THSD4: variants seen among roughly 807,000 people sequenced by gnomAD.
The protein encoded by THSD4 is thrombospondin type 1 domain containing 4.
A neutral mutation model predicts 119.0 loss-of-function variants in THSD4; 69 were observed. That is an observed-to-expected ratio of 0.58 (90% confidence interval 0.48 to 0.71). THSD4 has a LOEUF of 0.71. Ranked by LOEUF, THSD4 falls within the 30% of genes least tolerant of loss-of-function variation. THSD4 has a pLI of 0.00. For synonymous variants in THSD4, 524 were observed against 540.4 expected, an observed-to-expected ratio of 0.97 and a Z score of 0.42; for missense variants, 1,393 against 1,391.1, an observed-to-expected ratio of 1.00 and a Z score of -0.02.
intron 3 of THSD4, among the ~76,000 whole-genome samples, chr15:71,201,931 G>A (rs1265339273): frequency 6.6e-6 from 1 of 152,180 alleles, no homozygotes; most frequent in African/African-American, 2.4e-5. Flanking sequence ...ATCTGGCCTG[G>A]GAAACTTCTT....
At chr15:71,482,792 G>A (rs933920728) in intron 7 of THSD4, among the ~76,000 whole-genome samples, 1 of 150,736 alleles carries the variant, frequency 6.6e-6, no homozygotes, top group Admixed American at 6.6e-5. Flanking sequence ...TCACCATGTT[G>A]GCCAGGCTGG....
chr15:71,469,444 C>A (rs985582229), intron 7 of THSD4, among the ~76,000 whole-genome samples: 1 of 151,818 alleles, frequency 6.6e-6, no homozygotes, highest in South Asian at 2.1e-4. Flanking sequence ...AGTGAGACAG[C>A]AATGCGAGAA....
At chr15:71,200,074 G>A (rs142122785) in intron 3 of THSD4, among the ~76,000 whole-genome samples, 126 of 152,174 alleles carry the variant, frequency 8.3e-4, no homozygotes, top group African/African-American at 2.5e-3. Flanking sequence ...TCCTTCAGTC[G>A]GGAGTATCAG....
At chr15:71,747,848 C>A (rs1451577476) in intron 13 of THSD4, among the ~76,000 whole-genome samples, 1 of 152,188 alleles carries the variant, frequency 6.6e-6, no homozygotes, top group Non-Finnish European at 1.5e-5. Flanking sequence ...CAATAATATT[C>A]TTTACTCTAA....
chr15:71,559,852 C>A (rs1214171063), intron 7 of THSD4, among the ~76,000 whole-genome samples: 1 of 152,066 alleles, frequency 6.6e-6, no homozygotes. Flanking sequence ...GTTAGCATAT[C>A]GTGAGAGGCT....
intron 3 of THSD4, among the ~76,000 whole-genome samples, chr15:71,200,027 G>C (rs1157456047): frequency 6.6e-6 from 1 of 151,854 alleles, no homozygotes; most frequent in South Asian, 2.1e-4. Context: ...CACAGTCATA[G>C]GTATTTCAGA....
At chr15:71,144,428 A>G (rs1239475263) in intron 2 of THSD4, among the ~76,000 whole-genome samples, 1 of 152,336 alleles carries the variant, frequency 6.6e-6, no homozygotes, top group South Asian at 2.1e-4. Context: ...GCACACACAG[A>G]CGCACACACA....
At chr15:71,695,498 G>C (rs375155682) in intron 8 of THSD4, among the ~76,000 whole-genome samples, 6 of 143,284 alleles carry the variant, frequency 4.2e-5, no homozygotes, top group African/African-American at 1.7e-4. Context: ...ATTTGTGTGT[G>C]TGCATGTGTG....
At chr15:71,722,017 T>G (rs1595889804) in intron 8 of THSD4, among the ~76,000 whole-genome samples, 1 of 149,912 alleles carries the variant, frequency 6.7e-6, no homozygotes, top group Non-Finnish European at 1.5e-5. Flanking sequence ...CAAATGAGAG[T>G]GAAGGTATCT....
intron 7 of THSD4, among the ~76,000 whole-genome samples, chr15:71,589,438 C>T (rs1243259400): frequency 7.2e-6 from 1 of 138,266 alleles, no homozygotes; most frequent in East Asian, 2.1e-4. Flanking sequence ...TCACTGCATC[C>T]TTGCCCTCCT....
Position 71,554,377 on chromosome 15 carries a change from G to C in THSD4, c.1153-106153G>C, listed in dbSNP as rs188218697. On this transcript the variant is annotated intron_variant, in intron 7 of 17. Coordinates refer to ENST00000261862, the MANE Select transcript of THSD4 (RefSeq NM_024817.3). The stretch of plus-strand genomic sequence containing the variant: ...CCCAAAGTGCTGAGATTACAGGCGT[G>C]AGACACCATGCCCCGGTTTTTTTTG... 5.9e-5 allele frequency among the ~76,000 whole-genome samples: 9 copies of C among 151,514 alleles called. No homozygotes were observed. In the East Asian group the frequency reaches 1.8e-3, roughly 30 times the overall value.
At chr15:71,460,594 G>A (rs574837030) in intron 7 of THSD4, among the ~76,000 whole-genome samples, 59 of 152,260 alleles carry the variant, frequency 3.9e-4, no homozygotes, top group Middle Eastern at 3.4e-3. Context: ...TTTATCCTGG[G>A]CCATTTAAAG....
chr15:71,286,449 G>A (rs2044719014), intron 6 of THSD4, among the ~76,000 whole-genome samples: 1 of 152,058 alleles, frequency 6.6e-6, no homozygotes, highest in African/African-American at 2.4e-5. Context: ...GCTAAAAATG[G>A]CCTGCAGCTC....
chr15:71,572,981 C>T (rs1461992603), intron 7 of THSD4, among the ~76,000 whole-genome samples: 2 of 152,092 alleles, frequency 1.3e-5, no homozygotes, highest in East Asian at 3.9e-4. Flanking sequence ...GAGGGCATAC[C>T]CTGAGAGGCC....
At chr15:71,706,397 T>TG (rs2052393001) in intron 8 of THSD4, among the ~76,000 whole-genome samples, 1 of 152,136 alleles carries the variant, frequency 6.6e-6, no homozygotes, top group South Asian at 2.1e-4. Flanking sequence ...CATGTTGAAC[T>TG]GGAGGTTTTT....
At chr15:71,735,464 CTCTCTCTT>C (rs1304451196) in intron 10 of THSD4, among the ~76,000 whole-genome samples, 6 of 151,154 alleles carry the variant, frequency 4.0e-5, no homozygotes, top group Admixed American at 6.6e-5. Context: ...CTCTCTCTCT[CTCTCTCTT>C]TCTCACTAGC....
intron 7 of THSD4, among the ~76,000 whole-genome samples, chr15:71,535,039 T>A (rs2048670271): frequency 6.6e-6 from 1 of 152,236 alleles, no homozygotes; most frequent in African/African-American, 2.4e-5. Flanking sequence ...ATATTTATAT[T>A]CACAGGGTTG....
intron 4 of THSD4, among the ~76,000 whole-genome samples, chr15:71,233,859 A>G (rs1201429057): frequency 6.6e-6 from 1 of 152,174 alleles, no homozygotes; most frequent in African/African-American, 2.4e-5. Flanking sequence ...AGCATGATCA[A>G]TTCAGGGTTT....
chr15:71,291,622 T>G (rs2140325685), intron 6 of THSD4, among the ~76,000 whole-genome samples: 1 of 152,332 alleles, frequency 6.6e-6, no homozygotes, highest in South Asian at 2.1e-4. Flanking sequence ...GGCCGTCTGC[T>G]TTATTCAGTC....
Sources: allele counts gnomAD v4.1 joint callset (sites outside exome capture counted in the v4.1 genomes callset), GRCh38; gene constraint gnomAD v4.1.1; transcripts MANE v1.5; gene names NCBI Gene and HGNC (gene_info 2026-07-23, HGNC 2026-07-21).